Variants in PRPF18 observed in about 807,000 individuals in gnomAD.
The protein encoded by PRPF18 is pre-mRNA processing factor 18.
Under a neutral mutation model 46.5 loss-of-function variants are expected in PRPF18, and 38 were observed. That is an observed-to-expected ratio of 0.82 (90% CI 0.63 to 1.07). The LOEUF (loss-of-function observed/expected upper bound fraction) is 1.07, where lower values mean the gene tolerates loss of function less well. PRPF18 is among the 50% of genes least tolerant of loss of function. The pLI is 0.00. For synonymous variants in PRPF18, 152 were observed against 146.7 expected (o/e 1.04, Z -0.26); for missense variants, 263 against 410.0 (o/e 0.64, Z 3.10).
chr10:13,628,568 C>T (rs2080545224), intron 9 of PRPF18, among the ~76,000 whole-genome samples: 2 of 151,692 alleles, frequency 1.3e-5, no homozygotes, highest in East Asian at 1.9e-4. Context: ...TTTTTGTTGC[C>T]GTTTTTTTCT....
intron 5 of PRPF18, 140 bp downstream of exon 5, chr10:13,610,325 A>C: frequency 1.0e-6 from 1 of 956,910 alleles, no homozygotes. Context: ...GCTTTTATTT[A>C]TTTACTCCCC....
intron 1 of PRPF18, chr10:13,592,147 A>T: frequency 1.7e-6 from 1 of 605,002 alleles, no homozygotes; most frequent in Non-Finnish European, 3.0e-6. Context: ...TACATAGCAC[A>T]TCGGGAATAC....
intron 9 of PRPF18, among the ~76,000 whole-genome samples, chr10:13,627,717 A>C (rs1366888508): frequency 6.6e-6 from 1 of 152,208 alleles, no homozygotes; most frequent in African/African-American, 2.4e-5. Context: ...CAGGGAGAAC[A>C]CTAGTATATG....
intron 1 of PRPF18, among the ~76,000 whole-genome samples, chr10:13,595,003 T>A (rs894167282): frequency 5.9e-5 from 9 of 152,226 alleles, no homozygotes; most frequent in African/African-American, 2.2e-4. Context: ...AGGAAAATTA[T>A]GCTAATTATA....
chr10:13,619,422 T>A (rs778822297), intron 9 of PRPF18, among the ~76,000 whole-genome samples: 1 of 152,204 alleles, frequency 6.6e-6, no homozygotes, highest in Non-Finnish European at 1.5e-5. Flanking sequence ...TGTCCCAAGG[T>A]GGGAGATGGA....
At chr10:13,635,250 A>G (rs1260123636), downstream of PRPF18, among the ~76,000 whole-genome samples, 4 of 152,196 alleles carry the variant, frequency 2.6e-5, no homozygotes, top group East Asian at 7.7e-4. Context: ...GCTGTGTGGT[A>G]TTCCATAGTG....
chr10:13,633,066 G>A (rs962139354), downstream of PRPF18, among the ~76,000 whole-genome samples: 3 of 152,300 alleles, frequency 2.0e-5, no homozygotes, highest in East Asian at 1.9e-4. Context: ...TTGCAGCATA[G>A]AGCCTGCAAC....
At position 13,613,820 on chromosome 10, in the gene PRPF18, G is replaced by A; in HGVS notation, c.659G>A (p.Ser220Asn). 1 of 1,614,094 alleles carries A rather than the reference G, an allele frequency of 6.2e-7. No homozygotes were observed. The highest frequency in any genetic ancestry group is 8.5e-7 in the Non-Finnish European group (1 of 1,179,970). Reference sequence around the variant, plus strand: ...CGCAGTGTGCAGGGTAAACTGAACAGTGCGACCCAGAAACAGACCGAGTCC... The same window carrying A: ...CGCAGTGTGCAGGGTAAACTGAACAATGCGACCCAGAAACAGACCGAGTCC... ...VKRSVQGKLN[S>N]ATQKQTESYL... is the part of the protein sequence containing the mutation. The change falls in exon 7 of 10, where the codon AGT becomes AAT. Residue 220 changes from serine to asparagine, a missense_variant. Coordinates refer to ENST00000378572, the MANE Select transcript of PRPF18 (RefSeq NM_003675.4).
chr10:13,655,444 A>G, the PRPF18 span: 1 of 152,204 alleles, frequency 6.6e-6, no homozygotes, highest in Admixed American at 6.6e-5. Context: ...GGGCTATTTT[A>G]CAGATGAAGA....
chr10:13,619,964 C>T (rs371404276), intron 9 of PRPF18, among the ~76,000 whole-genome samples: 6 of 151,856 alleles, frequency 4.0e-5, no homozygotes, highest in East Asian at 1.9e-4. Context: ...CATAGTGTAA[C>T]TCAAGCAGAA....
chr10:13,593,692 A>G (rs1387258427), intron 1 of PRPF18, among the ~76,000 whole-genome samples: 1 of 152,172 alleles, frequency 6.6e-6, no homozygotes, highest in Non-Finnish European at 1.5e-5. Flanking sequence ...TTGGCAAGGG[A>G]TTTGCCCTAG....
At chr10:13,626,789 A>G (rs1226296675) in intron 9 of PRPF18, among the ~76,000 whole-genome samples, 1 of 137,502 alleles carries the variant, frequency 7.3e-6, no homozygotes, top group African/African-American at 2.6e-5. Flanking sequence ...ATTATTTGAT[A>G]CAAGAATCGT....
chr10:13,636,058 G>T, the PRPF18 span, among the ~76,000 whole-genome samples: 12 of 152,148 alleles, frequency 7.9e-5, no homozygotes, highest in African/African-American at 2.9e-4. Flanking sequence ...ACCTTGGGCT[G>T]GTTGCACATT....
At chr10:13,654,150 C>G in the PRPF18 span, 4 of 555,748 alleles carry the variant, frequency 7.2e-6, no homozygotes, top group South Asian at 7.5e-5. Flanking sequence ...GAAGCACAGT[C>G]CCACTTCGTG....
At chr10:13,596,068 A>G (rs1589119043) in intron 1 of PRPF18, among the ~76,000 whole-genome samples, 1 of 152,196 alleles carries the variant, frequency 6.6e-6, no homozygotes, top group African/African-American at 2.4e-5. Flanking sequence ...TTGGTTTTTC[A>G]AGTCAGGTCA....
downstream of PRPF18, among the ~76,000 whole-genome samples, chr10:13,634,171 A>G (rs1436069470): frequency 6.6e-6 from 1 of 152,238 alleles, no homozygotes; most frequent in Non-Finnish European, 1.5e-5. Context: ...AGAACAATTT[A>G]TCATGAAAGC....
intron 1 of PRPF18, among the ~76,000 whole-genome samples, chr10:13,588,854 C>A (rs2079916354): frequency 1.3e-5 from 2 of 152,196 alleles, no homozygotes; most frequent in African/African-American, 4.8e-5. Flanking sequence ...GACCCCTTCA[C>A]ACTCTTAAAA....
the PRPF18 span, chr10:13,645,342 T>G: frequency 7.7e-6 from 1 of 130,646 alleles, no homozygotes; most frequent in Non-Finnish European, 1.6e-5. Context: ...GTCATTAGAG[T>G]GAGAAAAAAA....
chr10:13,593,997 C>A (rs1472976525), intron 1 of PRPF18, among the ~76,000 whole-genome samples: 1 of 152,186 alleles, frequency 6.6e-6, no homozygotes, highest in African/African-American at 2.4e-5. Context: ...TTGTTTTGCG[C>A]ATGCTATAGG....
Sources: gnomAD v4.1 joint callset for allele counts (sites outside exome capture counted in the v4.1 genomes callset) on GRCh38, gnomAD v4.1.1 for gene constraint, MANE v1.5 for transcripts, NCBI Gene and HGNC (gene_info 2026-07-23, HGNC 2026-07-21) for gene names.